Variants in KDM6B observed in about 807,000 individuals in gnomAD.
KDM6B encodes the protein lysine-specific demethylase 6B.
In KDM6B, 22 loss-of-function variants were observed where a neutral mutation model predicts 150.4. The ratio of observed to expected loss-of-function variants is 0.15; its 90% CI spans 0.10 to 0.21. The LOEUF is 0.21. Ranked by LOEUF, KDM6B falls within the 10% of genes least tolerant of loss-of-function variation. KDM6B has a pLI of 1.00. For missense variants in KDM6B, 1,984 were observed against 2,234.3 expected, an observed-to-expected ratio of 0.89 and a Z score of 2.26; for synonymous variants, 1,148 against 921.1, an observed-to-expected ratio of 1.25 and a Z score of -4.46.
chr17:7,840,234 AC>A, intron 2 of KDM6B: 1 of 152,214 alleles, frequency 6.6e-6, no homozygotes, highest in South Asian at 2.1e-4. Context: ...CCTGTACTTC[AC>A]CAGCCTCTCC....
Position 7,845,668 on chromosome 17 carries a change from T to A in KDM6B, c.114T>A (p.Arg38=). Residue 38 remains arginine, a synonymous_variant, in exon 5 of 24, where the codon CGT becomes CGA. Transcript: ENST00000448097. ...CCTGCCCGCCTCATCCCCCTCCTCG[T>A]AGCGCATGGCTGCCTGGAGGCAGGT... The part of the protein sequence containing the change: ...WSSCPPHPPP[R]SAWLPGGRCS... 1 of 1,614,096 alleles carries A rather than the reference T, an allele frequency of 6.2e-7. No homozygotes were observed. The highest frequency in any genetic ancestry group is 1.3e-5 in the African/African-American group (1 of 75,028).
rs1415244240 is a variant in KDM6B at position 7,847,091 on chromosome 17, T to C, written c.910-14T>C. On this transcript the variant is annotated splice_polypyrimidine_tract_variant and intron_variant, in intron 10 of 23. Transcript: ENST00000448097. ...CTCTATTCCTCATCCTGCATCCCTG[T>C]TTATCTCCTATAGGAGCAGCGGCAC... 1.2e-6 allele frequency: 2 copies of C among 1,612,252 alleles called. No individual in the cohort carries two copies. The highest frequency in any genetic ancestry group is 1.7e-6 in the Non-Finnish European group (2 of 1,178,898).
chr17:7,846,444 C>G lies in KDM6B; in HGVS notation c.501C>G (p.Ala167=), dbSNP rs369559857. ...ATACTGGCTCCTGCCAGCACCGAGC[C>G]AAGGTCCTGCCCCCACTGGAGCAAG... ...NFHTGSCQHR[A]KVLPPLEQVW... The change falls in exon 8 of 24, where the codon GCC becomes GCG. Residue 167 remains alanine, a synonymous_variant. Coordinates refer to ENST00000448097, the MANE Select transcript of KDM6B (RefSeq NM_001348716.2). 140 of 1,613,594 alleles carry G rather than the reference C, an allele frequency of 8.7e-5. No homozygotes were observed. The highest frequency in any genetic ancestry group is 1.2e-4 in the Non-Finnish European group (138 of 1,179,888).
Position 7,849,475 on chromosome 17 carries a change from A to G in KDM6B, c.3187A>G (p.Thr1063Ala). 6.2e-7 allele frequency: 1 copy of G among 1,612,578 alleles called. No homozygotes were observed. The highest frequency in any genetic ancestry group is 8.5e-7 in the Non-Finnish European group (1 of 1,179,874). ...PSAPAPSAQP[T>A]PPSASVPGKK... ...AGCTCCTGCACCTTCTGCCCAGCCC[A>G]CACCCCCGTCAGCCTCTGTCCCTGG... Residue 1063 changes from threonine to alanine, a missense_variant, in exon 12 of 24, where the codon ACA becomes GCA. By Grantham distance (58) the Thr-to-Ala change is moderately conservative. This residue lies in a region of KDM6B where 1,379 missense variants were observed against 1,275.6 expected (regional missense o/e 1.08). Coordinates refer to ENST00000448097, the MANE Select transcript of KDM6B (RefSeq NM_001348716.2).
chr17:7,846,057 C>A, intron 6 of KDM6B, 21 bp from the exon 7 acceptor site: 1 of 1,538,412 alleles, frequency 6.5e-7, no homozygotes, highest in Non-Finnish European at 8.9e-7. Context: ...CACCCACACC[C>A]CCACCCCTTC....
Position 7,849,552 on chromosome 17 carries a change from C to T in KDM6B, c.3264C>T (p.Asp1088=). 1 of 1,612,876 alleles carries T rather than the reference C, an allele frequency of 6.2e-7. No individual in the cohort carries two copies. The highest frequency in any genetic ancestry group is 8.5e-7 in the Non-Finnish European group (1 of 1,179,984). Reference sequence around the variant, plus strand: ...GGCCACCGGGTGTCAGCCGGGCCGACATGCTGAAGCTGCGCTCACTTAGTG... The same window carrying T: ...GGCCACCGGGTGTCAGCCGGGCCGATATGCTGAAGCTGCGCTCACTTAGTG... The part of the protein sequence containing the change: ...APGPPGVSRA[D]MLKLRSLSEG... Residue 1088 remains aspartate (D), a synonymous_variant, in exon 12 of 24, where the codon GAC becomes GAT. Coordinates refer to ENST00000448097, the MANE Select transcript of KDM6B (RefSeq NM_001348716.2).
chr17:7,849,151 C>A lies in KDM6B; in HGVS notation c.2863C>A (p.Pro955Thr). Residue 955 changes from proline (P) to threonine (T), a missense_variant, in exon 12 of 24, where the codon CCC (proline) becomes ACC (threonine). Physicochemically the swap from Pro to Thr is conservative, Grantham distance 38 (BLOSUM62 -1). Transcript: ENST00000448097. The part of the protein sequence containing the change: ...ADSGTERLLP[P>T]AQAKEEAGGV... ...CAGTGGGACTGAGCGACTGCTGCCC[C>A]CCGCACAGGCCAAGGAGGAGGCTGG... 1 of 1,611,662 alleles carries A rather than the reference C, an allele frequency of 6.2e-7. No homozygotes were observed. Among genetic ancestry groups the A allele is most frequent in the Non-Finnish European group, 8.5e-7 (1 of 1,179,524 alleles).
chr17:7,839,374 T>C (rs2078381290), intron 1 of KDM6B, among the ~76,000 whole-genome samples: 1 of 151,914 alleles, frequency 6.6e-6, no homozygotes, highest in African/African-American at 2.4e-5. Context: ...CAGGGGAGGA[T>C]GGCCCCTCCC....
chr17:7,840,809 T>A (rs1479637869), intron 2 of KDM6B: 2 of 152,244 alleles, frequency 1.3e-5, no homozygotes, highest in Admixed American at 1.3e-4. Flanking sequence ...TGAATAATGT[T>A]AACTGAATGA....
intron 1 of KDM6B, among the ~76,000 whole-genome samples, chr17:7,837,295 G>C (rs1010169407): frequency 6.6e-6 from 1 of 151,996 alleles, no homozygotes; most frequent in African/African-American, 2.4e-5. Context: ...TATGGGGGGG[G>C]GTTCACTACA....
chr17:7,846,539 T>G, intron 8 of KDM6B, 40 bp from the exon 9 acceptor site: 4 of 1,614,062 alleles, frequency 2.5e-6, no homozygotes, highest in Non-Finnish European at 3.4e-6. Context: ...AGGCTGTGCC[T>G]GCACCCGTGC....
In KDM6B at chr17:7,849,282, C is replaced by T. The variant is rs1258786157; in HGVS notation, c.2994C>T (p.Pro998=). The T allele has an allele frequency of 6.4e-7, 1 of 1,555,514 alleles. No homozygotes were observed. Among genetic ancestry groups the T allele is most frequent in the Non-Finnish European group, 8.7e-7 (1 of 1,149,454 alleles). ...GTAAGGACAGTGTGGGTCGTCGGCC[C>T]CGTGAGGGCAGGGCAAAGGCCAAGG... is the stretch of plus-strand genomic sequence containing the variant. The part of the protein sequence containing the change: ...RACKDSVGRR[P]REGRAKAKAK... The change falls in exon 12 of 24, where the codon CCC becomes CCT. Residue 998 remains proline (P), a synonymous_variant. Coordinates refer to ENST00000448097, the MANE Select transcript of KDM6B (RefSeq NM_001348716.2).
Position 7,846,404 on chromosome 17 carries a change from A to G in KDM6B, c.461A>G (p.Gln154Arg), listed in dbSNP as rs1241648649. 2.9e-6 allele frequency: 2 copies of G among 691,398 alleles called. No homozygotes were observed. The allele number at this position is 691,398 out of a possible 1,614,324, so 42.8% of individuals were successfully genotyped here. ...CCCGTGTCCCCCCACCCCCAGGCCC[A>G]GCTCTGGAACTTTCATACTGGCTCC... ...GPRIGRLQQAQLWNFHTGSCQ... is the reference protein window; with the variant it reads ...GPRIGRLQQARLWNFHTGSCQ... Residue 154 changes from glutamine to arginine, a missense_variant, in exon 8 of 24, where the codon CAG becomes CGG. Coordinates refer to ENST00000448097, the MANE Select transcript of KDM6B (RefSeq NM_001348716.2).
chr17:7,842,364 C>A (rs1163729760), intron 2 of KDM6B, among the ~76,000 whole-genome samples: 1 of 152,106 alleles, frequency 6.6e-6, no homozygotes, highest in Non-Finnish European at 1.5e-5. Context: ...CGCTGGCTCC[C>A]GAGGTTGTGG....
At chr17:7,846,371 G>GGGGGGGGCCCGGGGCCCC in intron 7 of KDM6B, 29 bp from the exon 8 acceptor site, 2 of 1,488,922 alleles carry the variant, frequency 1.3e-6, no homozygotes, top group Non-Finnish European at 1.8e-6. Context: ...CCTGACATCT[G>GGGGGGGGCCCGGGGCCCC]CCCCTGCCCC....
rs568792014 is a variant in KDM6B at position 7,845,700 on chromosome 17, T to C, written c.137+9T>C. The C allele has an allele frequency of 3.7e-6, 6 of 1,614,074 alleles. No individual in the cohort carries two copies. The East Asian group carries it at 1.3e-4, about 36-fold the overall frequency. On this transcript the variant is annotated intron_variant, in intron 5 of 23. Coordinates refer to ENST00000448097, the MANE Select transcript of KDM6B (RefSeq NM_001348716.2). ...TGGCTGCCTGGAGGCAGGTGAGAAG[T>C]TGGGGCCCTCTGTCTCCAGGCACAC...
rs761766145 is a variant in KDM6B, at chr17:7,847,702, C to T, written c.1414C>T (p.Pro472Ser). Residue 472 changes from proline (P) to serine (S), a missense_variant, in exon 12 of 24, where the codon CCC becomes TCC. Physicochemically the swap from Pro to Ser is moderately conservative, Grantham distance 74. This residue lies in a region of KDM6B where 1,379 missense variants were observed against 1,275.6 expected (regional missense o/e 1.08). Coordinates refer to ENST00000448097, the MANE Select transcript of KDM6B (RefSeq NM_001348716.2). ...TGGACCTTCCTCACCCCCTCCACCC[C>T]CCTGTCCCCGCCTCTTACGCCCCCC... ...PPGPSSPPPPPCPRLLRPPPP... is the reference protein window; with the variant it reads ...PPGPSSPPPPSCPRLLRPPPP... 25 of 1,546,116 alleles carry T rather than the reference C, an allele frequency of 1.6e-5. No homozygotes were observed. Among genetic ancestry groups the T allele is most frequent in the Non-Finnish European group, 1.8e-5 (21 of 1,144,688 alleles).
Position 7,851,825 on chromosome 17 carries a change from C to G in KDM6B, c.4165+29C>G, listed in dbSNP as rs754819950. The G allele has an allele frequency of 2.6e-6, 4 of 1,558,458 alleles. No homozygotes were observed. The African/African-American group carries it at 5.5e-5, about 21-fold the overall frequency. On this transcript the variant is annotated intron_variant, in intron 18 of 23. Coordinates refer to ENST00000448097, the MANE Select transcript of KDM6B (RefSeq NM_001348716.2). ...CGCTCCACGCCTGTGCGCGCTGATGCTGGAAGCGCGAGAGGAGGGGCTGGC... is the reference window on the plus strand; with the variant it reads ...CGCTCCACGCCTGTGCGCGCTGATGGTGGAAGCGCGAGAGGAGGGGCTGGC...
rs899066539 is a variant in KDM6B at position 7,847,178 on chromosome 17, G to C, written c.983G>C (p.Arg328Pro). The C allele has an allele frequency of 1.1e-5, 18 of 1,598,532 alleles. No homozygotes were observed. Among genetic ancestry groups the C allele is most frequent in the Admixed American group, 6.7e-5 (4 of 59,680 alleles). The part of the protein sequence containing the change: ...PAYTAHPPGH[R>P]LVPAAPPGPG... ...TACACCGCGCACCCCCCTGGCCACC[G>C]GCTGGTCCCGGCTGCTCCCCCAGGC... The change falls in exon 11 of 24, where the codon CGG (arginine) becomes CCG (proline). Residue 328 changes from arginine to proline, a missense_variant. Physicochemically the swap from Arg to Pro is moderately radical, Grantham distance 103 (BLOSUM62 -2). Coordinates refer to ENST00000448097, the MANE Select transcript of KDM6B (RefSeq NM_001348716.2).
Sources: gnomAD v4.1 joint callset for allele counts (sites outside exome capture counted in the v4.1 genomes callset) on GRCh38, gnomAD v4.1.1 for gene constraint, gnomAD v4.1.1 regional missense constraint, MANE v1.5 for transcripts, NCBI Gene and HGNC (gene_info 2026-07-23, HGNC 2026-07-21) for gene names.